The following LAMA2 variants were observed in gnomAD, a reference collection of about 807,000 sequenced individuals.
The protein encoded by LAMA2 is laminin subunit alpha 2, also known as laminin subunit alpha-2.
LAMA2 carries 269 observed loss-of-function variants against 364.8 expected under a neutral mutation model. That is an observed-to-expected ratio of 0.74 (90% CI 0.67 to 0.82). The LOEUF (loss-of-function observed/expected upper bound fraction) is 0.82, where lower values mean the gene tolerates loss of function less well. Ranked by LOEUF, LAMA2 falls within the 40% of genes least tolerant of loss-of-function variation. LAMA2 has a pLI of 0.00. For synonymous variants in LAMA2, 1,379 were observed against 1,370.6 expected, an observed-to-expected ratio of 1.01 and a Z score of -0.14; for missense variants, 3,807 against 3,873.2, an observed-to-expected ratio of 0.98 and a Z score of 0.45.
At chr6:129,380,791 T>C (rs1408680906) in intron 34 of LAMA2, among the ~76,000 whole-genome samples, 1 of 152,110 alleles carries the variant, frequency 6.6e-6, no homozygotes, top group African/African-American at 2.4e-5. Context: ...TTAACTTCTT[T>C]CTTATCATGG....
chr6:129,227,403 C>T (rs374086055), intron 12 of LAMA2, among the ~76,000 whole-genome samples: 26 of 152,280 alleles, frequency 1.7e-4, no homozygotes, highest in East Asian at 3.9e-4. Context: ...GGAGGAGAGG[C>T]GCTCTGATTT....
intron 3 of LAMA2, among the ~76,000 whole-genome samples, chr6:129,088,463 G>T (rs1354374717): frequency 7.2e-5 from 11 of 151,780 alleles, no homozygotes; most frequent in Admixed American, 6.6e-4. Flanking sequence ...CTTCCCAGAA[G>T]GGGTGGCCGG....
At chr6:129,251,149 G>T (rs1290909018) in intron 13 of LAMA2, among the ~76,000 whole-genome samples, 2 of 141,096 alleles carry the variant, frequency 1.4e-5, no homozygotes, top group Admixed American at 1.5e-4. Flanking sequence ...GGTGAAAAGA[G>T]TTCTCTAAAT....
At chr6:129,455,244 TA>T (rs554894851) in intron 47 of LAMA2, among the ~76,000 whole-genome samples, 4 of 148,300 alleles carry the variant, frequency 2.7e-5, no homozygotes, top group Non-Finnish European at 4.5e-5. Flanking sequence ...CTTCATCTCT[TA>T]AAAAAAAAAG....
intron 1 of LAMA2, among the ~76,000 whole-genome samples, chr6:128,918,324 A>G (rs1012921162): frequency 6.6e-6 from 1 of 152,204 alleles, no homozygotes; most frequent in Non-Finnish European, 1.5e-5. Flanking sequence ...TCAGGATCTA[A>G]GGTAAACTTT....
chr6:129,021,250 T>A (rs759334334), intron 1 of LAMA2, among the ~76,000 whole-genome samples: 1 of 152,230 alleles, frequency 6.6e-6, no homozygotes, highest in Non-Finnish European at 1.5e-5. Context: ...TGTTGACTTA[T>A]TTAGGACATT....
At chr6:129,284,685 C>T (rs949336403) in intron 18 of LAMA2, among the ~76,000 whole-genome samples, 9 of 152,042 alleles carry the variant, frequency 5.9e-5, no homozygotes, top group Non-Finnish European at 4.4e-5. Flanking sequence ...AGACAAAAGT[C>T]TCATCAGTGT....
intron 58 of LAMA2, among the ~76,000 whole-genome samples, chr6:129,496,869 C>T (rs1785231340): frequency 6.6e-6 from 1 of 152,094 alleles, no homozygotes; most frequent in Non-Finnish European, 1.5e-5. Flanking sequence ...AATTAATGGA[C>T]AAATAAGGAT....
intron 1 of LAMA2, among the ~76,000 whole-genome samples, chr6:129,030,519 C>A (rs1328819945): frequency 6.6e-6 from 1 of 152,104 alleles, no homozygotes; most frequent in East Asian, 1.9e-4. Context: ...TGATATTGAG[C>A]AAGTAATGCC....
rs532978181 is a variant in LAMA2 at position 129,279,224 on chromosome 6, G to T, written c.2451-837G>T. 2.6e-5 allele frequency among the ~76,000 whole-genome samples: 4 copies of T among 152,136 alleles called. No individual in the cohort carries two copies. The East Asian group carries it at 7.7e-4, about 29-fold the overall frequency. On this transcript the variant is annotated intron_variant, in intron 17 of 64. Transcript: ENST00000421865. ...GCCCTTCAGAGAGCCAGTCGAGAAC[G>T]CATTACCGTGTGTCAATCTTGGGGT...
At chr6:129,427,411 T>C (rs1583721149) in intron 40 of LAMA2, among the ~76,000 whole-genome samples, 2 of 152,200 alleles carry the variant, frequency 1.3e-5, no homozygotes, top group African/African-American at 4.8e-5. Context: ...CCAGTTATCA[T>C]GCATCGAGTC....
intron 3 of LAMA2, among the ~76,000 whole-genome samples, chr6:129,061,105 C>A (rs1202213785): frequency 6.6e-6 from 1 of 152,150 alleles, no homozygotes; most frequent in Non-Finnish European, 1.5e-5. Context: ...GAAAATTAAT[C>A]CTGTGCATGA....
intron 12 of LAMA2, among the ~76,000 whole-genome samples, chr6:129,225,349 T>G (rs1477638753): frequency 6.6e-6 from 1 of 152,204 alleles, no homozygotes; most frequent in Non-Finnish European, 1.5e-5. Flanking sequence ...TCTGCTCTGA[T>G]CTTAGTTATT....
intron 3 of LAMA2, among the ~76,000 whole-genome samples, chr6:129,061,359 A>G (rs1205284682): frequency 1.3e-5 from 2 of 152,168 alleles, no homozygotes; most frequent in Non-Finnish European, 2.9e-5. Context: ...ACATAGAACA[A>G]TGGGGTCAAT....
At chr6:129,258,223 A>G (rs998504739) in intron 14 of LAMA2, among the ~76,000 whole-genome samples, 13 of 152,088 alleles carry the variant, frequency 8.5e-5, no homozygotes, top group East Asian at 1.9e-4. Flanking sequence ...TGTTAAGGAG[A>G]CTTATCAGGC....
chr6:129,367,813 G>T (rs1376043818), intron 33 of LAMA2, among the ~76,000 whole-genome samples: 1 of 152,140 alleles, frequency 6.6e-6, no homozygotes, highest in Non-Finnish European at 1.5e-5. Flanking sequence ...GAAACTCCAA[G>T]AAATAGGAAA....
At chr6:129,443,127 A>C (rs1223568766) in intron 44 of LAMA2, 59 bp downstream of exon 44, 1 of 1,328,486 alleles carries the variant, frequency 7.5e-7, no homozygotes, top group Admixed American at 1.9e-5. Flanking sequence ...TGCCTATTGC[A>C]AAAAGTTTCA....
intron 34 of LAMA2, among the ~76,000 whole-genome samples, chr6:129,376,942 A>C (rs1330699316): frequency 6.6e-6 from 1 of 152,202 alleles, no homozygotes; most frequent in African/African-American, 2.4e-5. Flanking sequence ...TATTGTACAC[A>C]TAATAGGTGT....
intron 40 of LAMA2, among the ~76,000 whole-genome samples, chr6:129,407,325 T>A (rs1257304784): frequency 6.6e-6 from 1 of 151,996 alleles, no homozygotes; most frequent in Non-Finnish European, 1.5e-5. Flanking sequence ...TCATACATAA[T>A]CTCCAAATAA....
Sources: allele counts gnomAD v4.1 joint callset (sites outside exome capture counted in the v4.1 genomes callset), GRCh38; gene constraint gnomAD v4.1.1; transcripts MANE v1.5; gene names NCBI Gene and HGNC (gene_info 2026-07-23, HGNC 2026-07-21).